PHLDB1: variants seen among roughly 807,000 people sequenced by gnomAD.
PHLDB1 encodes the protein pleckstrin homology-like domain family B member 1.
In PHLDB1, 65 loss-of-function variants were observed where a neutral mutation model predicts 139.3. The observed-to-expected ratio is 0.47, with a 90% CI of 0.38 to 0.57. The LOEUF (loss-of-function observed/expected upper bound fraction) is 0.57. Among genes scored for constraint, PHLDB1 ranks in the 20% least tolerant of loss-of-function variants. PHLDB1 has a pLI of 0.00. For missense variants in PHLDB1, 1,624 were observed against 1,839.7 expected (o/e 0.88, Z 2.14); for synonymous variants, 679 against 734.5 (o/e 0.92, Z 1.22).
chr11:118,644,128 A>G lies in PHLDB1; in HGVS notation c.3075A>G (p.Thr1025=). The G allele has an allele frequency of 6.2e-7, 1 of 1,613,826 alleles. No individual in the cohort carries two copies. ...TGSLPRNLAA[T]LQDIETKRQL... ...GCCTTCCTCGCAACCTGGCAGCCACACTGCAGGACATCGAGACCAAGCGCC... is the reference window on the plus strand; with the variant it reads ...GCCTTCCTCGCAACCTGGCAGCCACGCTGCAGGACATCGAGACCAAGCGCC... The change falls in exon 15 of 23, where the codon ACA becomes ACG. Residue 1025 remains threonine (T), a synonymous_variant. Transcript: ENST00000600882.
intron 10 of PHLDB1, among the ~76,000 whole-genome samples, chr11:118,636,073 C>T (rs1269645139): frequency 6.6e-6 from 1 of 152,202 alleles, no homozygotes; most frequent in African/African-American, 2.4e-5. Context: ...TAGCTAGATA[C>T]TGTGATCACC....
At chr11:118,648,724 C>T (rs1167346769) in intron 18 of PHLDB1, among the ~76,000 whole-genome samples, 3 of 152,210 alleles carry the variant, frequency 2.0e-5, no homozygotes, top group African/African-American at 7.2e-5. Context: ...AAACAGGAGA[C>T]TTGAGCAGAA....
chr11:118,628,730 GGA>G, intron 6 of PHLDB1, 80 bp downstream of exon 6: 1 of 1,389,520 alleles, frequency 7.2e-7, no homozygotes, highest in Non-Finnish European at 9.7e-7. Context: ...TGGCAGAGCA[GGA>G]GAGGCCCTCA....
chr11:118,619,828 A>G (rs1228934704), intron 4 of PHLDB1, among the ~76,000 whole-genome samples: 1 of 152,206 alleles, frequency 6.6e-6, no homozygotes, highest in Non-Finnish European at 1.5e-5. Flanking sequence ...GCAAGAATGG[A>G]AAACTTGCCT....
At chr11:118,615,610 C>T (rs12290522) in intron 3 of PHLDB1, 51,124 of 160,364 alleles carry the variant, frequency 0.32, 8,569 homozygotes, top group East Asian at 0.44. Context: ...GCAAGGGAGA[C>T]GAAGTGTTGC....
Position 118,610,503 on chromosome 11 carries a change from C to A in PHLDB1, c.-22+2804C>A. The A allele has an allele frequency of 5.3e-6, 5 of 947,438 alleles. No homozygotes were observed. The highest frequency in any genetic ancestry group is 6.3e-6 in the Non-Finnish European group (5 of 795,258). The allele number at this position is 947,438 out of a possible 1,614,324, so 58.7% of individuals were successfully genotyped here. On this transcript the variant is annotated intron_variant, in intron 1 of 22. Transcript: ENST00000600882. The surrounding 1 kb of genome is among the most constrained non-coding windows in gnomAD (Gnocchi z 8.7). Reference sequence around the variant, plus strand: ...AGCCATGCACCGCTTGGGCCGAGGCCGAGGCCGACCCCCAGGGACACAGGT... The same window carrying A: ...AGCCATGCACCGCTTGGGCCGAGGCAGAGGCCGACCCCCAGGGACACAGGT...
rs1314456378 is a variant in PHLDB1, at chr11:118,608,996, T to A, written c.-22+1297T>A. The stretch of plus-strand genomic sequence containing the variant: ...CCCCAGCTCACACACGAAGCCCAGC[T>A]CACACACGCAGCCCCAGCTCTCACA... On this transcript the variant is annotated intron_variant, in intron 1 of 22. Coordinates refer to ENST00000600882, the MANE Select transcript of PHLDB1 (RefSeq NM_001144758.3). The surrounding 1 kb of genome is among the most constrained non-coding windows in gnomAD (Gnocchi z 6.7). Among the ~76,000 whole-genome samples, 1 of 135,510 alleles carries A rather than the reference T, an allele frequency of 7.4e-6. No homozygotes were observed. The highest frequency in any genetic ancestry group is 2.2e-4 in the East Asian group (1 of 4,480). 88.9% of individuals were successfully genotyped at this position (135,510 alleles called of 152,430 possible).
chr11:118,655,764 G>A, intron 21 of PHLDB1, 74 bp downstream of exon 21: 1 of 1,487,462 alleles, frequency 6.7e-7, no homozygotes. Flanking sequence ...GGGGCTCTGG[G>A]AGCAAAGGCC....
intron 13 of PHLDB1, 103 bp downstream of exon 13, chr11:118,642,497 G>A (rs1192894204): frequency 8.4e-6 from 11 of 1,316,658 alleles, no homozygotes; most frequent in Middle Eastern, 5.4e-4. Context: ...GAGTGGAGGC[G>A]TCAGCCCAGT....
rs900168075 is a variant in PHLDB1 at position 118,608,531 on chromosome 11, C to T, written c.-22+832C>T. Among the ~76,000 whole-genome samples the T allele has an allele frequency of 1.3e-5, 2 of 152,152 alleles. No homozygotes were observed. The highest frequency in any genetic ancestry group is 2.4e-5 in the African/African-American group (1 of 41,438). On this transcript the variant is annotated intron_variant, in intron 1 of 22. Coordinates refer to ENST00000600882, the MANE Select transcript of PHLDB1 (RefSeq NM_001144758.3). The surrounding 1 kb of genome is among the most constrained non-coding windows in gnomAD (Gnocchi z 6.7). The stretch of plus-strand genomic sequence containing the variant: ...TCGAGTGGGGACTTGGCCGGGCGAC[C>T]GCACAGCCCTGCCGGGGACCCACGG...
chr11:118,627,744 C>T lies in PHLDB1; in HGVS notation c.921C>T (p.Arg307=). ...CACAGTCCCGCCCAAGTGGTGCTCG[C>T]TCCGAGAGTCCTCGGCTGAGCAGGA... The part of the protein sequence containing the change: ...QPPQSRPSGA[R]SESPRLSRKG... Residue 307 remains arginine (R), a synonymous_variant, in exon 6 of 23, where the codon CGC becomes CGT. Transcript: ENST00000600882. The T allele has an allele frequency of 6.2e-7, 1 of 1,608,862 alleles. No individual in the cohort carries two copies. Among genetic ancestry groups the T allele is most frequent in the South Asian group, 1.1e-5 (1 of 91,090 alleles).
intron 4 of PHLDB1, among the ~76,000 whole-genome samples, chr11:118,618,044 A>G (rs187725673): frequency 3.3e-5 from 5 of 151,966 alleles, no homozygotes; most frequent in Non-Finnish European, 5.9e-5. Context: ...CCAATGCATC[A>G]TTTAGCTCCC....
At chr11:118,629,929 C>T in intron 6 of PHLDB1, 1 of 1,076,504 alleles carries the variant, frequency 9.3e-7, no homozygotes, top group Non-Finnish European at 1.2e-6. Context: ...TGGAGGCTGC[C>T]CGCCCTGCCC....
chr11:118,635,622 A>C (rs1945519465), intron 10 of PHLDB1, 74 bp downstream of exon 10: 1 of 1,304,624 alleles, frequency 7.7e-7, no homozygotes. Context: ...ATGACCTCAC[A>C]AAAGTTAACT....
At chr11:118,642,484 C>A in intron 13 of PHLDB1, 90 bp downstream of exon 13, 1 of 1,424,882 alleles carries the variant, frequency 7.0e-7, no homozygotes, top group Non-Finnish European at 9.6e-7. Context: ...ACAGTACCAC[C>A]TTGAGTGGAG....
chr11:118,612,114 C>T (rs1555084555), intron 1 of PHLDB1, among the ~76,000 whole-genome samples: 1 of 150,836 alleles, frequency 6.6e-6, no homozygotes, highest in Non-Finnish European at 1.5e-5. Flanking sequence ...CCACCCCTAG[C>T]CCCAGGCAAG....
intron 20 of PHLDB1, chr11:118,651,954 AAG>A (rs1555137610): frequency 6.6e-6 from 1 of 152,216 alleles, no homozygotes; most frequent in African/African-American, 2.4e-5. Context: ...GGCAGAGGGA[AAG>A]AGAGGCTTAA....
Position 118,629,154 on chromosome 11 carries a change from C to A in PHLDB1, c.1827+504C>A, listed in dbSNP as rs575940460. ...TTCTTTAGAAAAGTACCTTGTCCTTCTTTTTTGCTTGTCTTTGGCCTCTAC... is the reference window on the plus strand; with the variant it reads ...TTCTTTAGAAAAGTACCTTGTCCTTATTTTTTGCTTGTCTTTGGCCTCTAC... On this transcript the variant is annotated intron_variant, in intron 6 of 22. Transcript: ENST00000600882. Among the ~76,000 whole-genome samples the A allele has an allele frequency of 3.3e-5, 5 of 152,340 alleles. No homozygotes were observed. The South Asian group carries it at 1.0e-3, about 32-fold the overall frequency.
Position 118,627,486 on chromosome 11 carries a change from A to G in PHLDB1, c.663A>G (p.Pro221=), listed in dbSNP as rs781867934. The change falls in exon 6 of 23, where the codon CCA becomes CCG. Residue 221 remains proline, a synonymous_variant. Coordinates refer to ENST00000600882, the MANE Select transcript of PHLDB1 (RefSeq NM_001144758.3). ...AAGKKPAATS[P]LSPMANGGRY... ...GCAAGAAGCCTGCCGCAACCTCTCC[A>G]CTGTCACCGATGGCTAATGGTGGGC... 16 of 1,614,054 alleles carry G rather than the reference A, an allele frequency of 9.9e-6. No homozygotes were observed. The highest frequency in any genetic ancestry group is 4.0e-5 in the African/African-American group (3 of 74,908).
Sources: allele counts gnomAD v4.1 joint callset (sites outside exome capture counted in the v4.1 genomes callset), GRCh38; gene constraint gnomAD v4.1.1; non-coding constraint Gnocchi (gnomAD v3.1); transcripts MANE v1.5; gene names NCBI Gene and HGNC (gene_info 2026-07-23, HGNC 2026-07-21).